The following CNTNAP2 variants were observed in gnomAD, a reference collection of about 807,000 sequenced individuals.
The protein encoded by CNTNAP2 is contactin associated protein 2.
In CNTNAP2, 98 loss-of-function variants were observed where a neutral mutation model predicts 155.2. The ratio of observed to expected loss-of-function variants is 0.63; its 90% confidence interval spans 0.54 to 0.75. The LOEUF (loss-of-function observed/expected upper bound fraction) is 0.75. CNTNAP2 is among the 30% of genes least tolerant of loss of function. The pLI is 0.00. For synonymous variants in CNTNAP2, 651 were observed against 631.2 expected (o/e 1.03, Z -0.47); for missense variants, 1,727 against 1,688.1 (o/e 1.02, Z -0.40).
chr7:147,926,542 G>A (rs1374427618), intron 14 of CNTNAP2, among the ~76,000 whole-genome samples: 5 of 152,044 alleles, frequency 3.3e-5, no homozygotes, highest in Admixed American at 2.6e-4. Context: ...CTTTTTACTT[G>A]TTGAACACAT....
Position 147,000,494 on chromosome 7 carries a change from T to A in CNTNAP2, c.403-43413T>A, listed in dbSNP as rs561937621. 6.8e-4 allele frequency among the ~76,000 whole-genome samples: 104 copies of A among 152,242 alleles called. 1 individual carries two copies. In the South Asian group the frequency reaches 0.017, roughly 25 times the overall value. On this transcript the variant is annotated intron_variant, in intron 3 of 23. Transcript: ENST00000361727. ...TGCATACTGTAGAAGTAGATACTTATTCCAGTCTTTGCAGTCTGCCTTTGT... is the reference window on the plus strand; with the variant it reads ...TGCATACTGTAGAAGTAGATACTTAATCCAGTCTTTGCAGTCTGCCTTTGT...
At chr7:147,718,293 A>G (rs1360061386) in intron 13 of CNTNAP2, among the ~76,000 whole-genome samples, 1 of 152,124 alleles carries the variant, frequency 6.6e-6, no homozygotes, top group African/African-American at 2.4e-5. Context: ...AGTCATTTGT[A>G]TGAGCACGTA....
At chr7:147,209,322 A>G (rs1036797607) in intron 8 of CNTNAP2, among the ~76,000 whole-genome samples, 104 of 152,032 alleles carry the variant, frequency 6.8e-4, no homozygotes, top group African/African-American at 2.4e-3. Flanking sequence ...CCTTGGTTAC[A>G]TGTATTCCTA....
chr7:147,685,473 A>T (rs1259202806), intron 13 of CNTNAP2, among the ~76,000 whole-genome samples: 1 of 152,016 alleles, frequency 6.6e-6, no homozygotes. Context: ...ACTTTTAATT[A>T]TAAGTAAAAT....
At chr7:147,402,026 T>C (rs826661) in intron 10 of CNTNAP2, among the ~76,000 whole-genome samples, 19,396 of 152,280 alleles carry the variant, frequency 0.13, 1,508 homozygotes, top group East Asian at 0.32. Flanking sequence ...GTAACATTTA[T>C]CATTTTCTAA....
At chr7:147,004,255 C>G (rs1265641662) in intron 3 of CNTNAP2, among the ~76,000 whole-genome samples, 1 of 116,424 alleles carries the variant, frequency 8.6e-6, no homozygotes, top group African/African-American at 3.4e-5. Flanking sequence ...ACAAAAATAA[C>G]AAGAAAACTA....
At chr7:148,228,453 T>C (rs1001456615) in intron 19 of CNTNAP2, among the ~76,000 whole-genome samples, 4 of 152,128 alleles carry the variant, frequency 2.6e-5, no homozygotes, top group African/African-American at 9.7e-5. Context: ...TCCTGTTGAT[T>C]TGCATTTGAT....
intron 21 of CNTNAP2, among the ~76,000 whole-genome samples, chr7:148,383,188 C>CTTTTTTTTTTTTTTT (rs34329815): frequency 7.2e-6 from 1 of 138,980 alleles, no homozygotes; most frequent in African/African-American, 2.6e-5. Flanking sequence ...AATTCTTGTT[C>CTTTTTTTTTTTTTTT]TTTTTTTTTT....
At chr7:147,985,156 A>G (rs544730519) in intron 15 of CNTNAP2, among the ~76,000 whole-genome samples, 4 of 148,696 alleles carry the variant, frequency 2.7e-5, no homozygotes, top group Non-Finnish European at 5.9e-5. Flanking sequence ...ATAACTATTT[A>G]CAAGTTCATC....
At chr7:147,315,983 A>G (rs760710138) in intron 9 of CNTNAP2, among the ~76,000 whole-genome samples, 38 of 152,046 alleles carry the variant, frequency 2.5e-4, no homozygotes, top group Admixed American at 4.6e-4. Flanking sequence ...ATACATATAT[A>G]TGAGACACTT....
intron 3 of CNTNAP2, among the ~76,000 whole-genome samples, chr7:147,001,512 G>T (rs1304894964): frequency 1.3e-5 from 2 of 151,918 alleles, no homozygotes; most frequent in African/African-American, 4.8e-5. Context: ...TCATAATTGT[G>T]GCTTACCTAT....
intron 1 of CNTNAP2, among the ~76,000 whole-genome samples, chr7:146,348,998 T>C (rs1794871970): frequency 6.6e-6 from 1 of 152,128 alleles, no homozygotes; most frequent in Non-Finnish European, 1.5e-5. Flanking sequence ...ATAAAGCAGT[T>C]TTAAATATAG....
chr7:147,529,016 A>G (rs984561966), intron 11 of CNTNAP2, among the ~76,000 whole-genome samples: 3 of 152,242 alleles, frequency 2.0e-5, no homozygotes, highest in African/African-American at 7.2e-5. Flanking sequence ...AATGTGTAAA[A>G]AAGTTATGCT....
At chr7:148,380,527 C>T (rs1373387092) in intron 21 of CNTNAP2, among the ~76,000 whole-genome samples, 2 of 152,118 alleles carry the variant, frequency 1.3e-5, no homozygotes, top group African/African-American at 2.4e-5. Flanking sequence ...CTCACTCTAC[C>T]GTTTCTATGG....
chr7:146,600,057 C>T (rs530227263), intron 1 of CNTNAP2, among the ~76,000 whole-genome samples: 4 of 152,004 alleles, frequency 2.6e-5, no homozygotes, highest in Non-Finnish European at 5.9e-5. Context: ...ATTTTCTCTT[C>T]GGAAGCTGGC....
chr7:146,801,191 G>A (rs750771485), intron 2 of CNTNAP2, among the ~76,000 whole-genome samples: 1 of 152,092 alleles, frequency 6.6e-6, no homozygotes, highest in Non-Finnish European at 1.5e-5. Flanking sequence ...GAAAAAGGAG[G>A]AAGTTTCAGG....
chr7:146,760,408 C>CTTTTTTTTTTTTTTTTT (rs1284570579), intron 1 of CNTNAP2, among the ~76,000 whole-genome samples: 2 of 78,866 alleles, frequency 2.5e-5, no homozygotes, highest in Admixed American at 1.3e-4. Context: ...CTCCAATTTA[C>CTTTTTTTTTTTTTTTTT]CTTTTTTTTT....
intron 8 of CNTNAP2, among the ~76,000 whole-genome samples, chr7:147,232,795 A>ATCT (rs57162371): frequency 0.8 from 120,754 of 151,796 alleles, 48,545 homozygotes; most frequent in African/African-American, 0.91. Context: ...AAAAGCGTTT[A>ATCT]TCTTTTCTTT....
intron 11 of CNTNAP2, among the ~76,000 whole-genome samples, chr7:147,529,061 GA>G (rs2116721503): frequency 6.6e-6 from 1 of 152,246 alleles, no homozygotes; most frequent in Admixed American, 6.5e-5. Flanking sequence ...GTCCATTTTA[GA>G]ATCAAATGGC....
Sources: allele counts gnomAD v4.1 joint callset (sites outside exome capture counted in the v4.1 genomes callset), GRCh38; gene constraint gnomAD v4.1.1; transcripts MANE v1.5; gene names NCBI Gene and HGNC (gene_info 2026-07-23, HGNC 2026-07-21).